DCAF5: variants seen among roughly 807,000 people sequenced by gnomAD.
The protein encoded by DCAF5 is DDB1 and CUL4 associated factor 5.
DCAF5 carries 9 observed loss-of-function variants against 80.7 expected under a neutral mutation model. The observed-to-expected ratio is 0.11, with a 90% CI of 0.07 to 0.19. The LOEUF (loss-of-function observed/expected upper bound fraction) is 0.19, where lower values mean the gene tolerates loss of function less well. Ranked by LOEUF, DCAF5 falls within the 10% of genes least tolerant of loss-of-function variation. The pLI, the probability that DCAF5 is intolerant of heterozygous loss-of-function variation, is 1.00. For missense variants in DCAF5, 842 were observed against 1,205.7 expected (o/e 0.70, Z 4.47); for synonymous variants, 433 against 461.9 (o/e 0.94, Z 0.80).
chr14:69,139,543 G>A (rs1486345195), intron 1 of DCAF5, among the ~76,000 whole-genome samples: 3 of 151,488 alleles, frequency 2.0e-5, no homozygotes, highest in African/African-American at 7.3e-5. Flanking sequence ...CTTGGGCATG[G>A]TGCCTCATAT....
intron 1 of DCAF5, among the ~76,000 whole-genome samples, chr14:69,147,265 A>G (rs1039339640): frequency 1.3e-5 from 2 of 152,190 alleles, no homozygotes; most frequent in Non-Finnish European, 2.9e-5. Context: ...CTTTCTCAAT[A>G]TTTCATGGTG....
chr14:69,151,524 A>G (rs2041702292), intron 1 of DCAF5, among the ~76,000 whole-genome samples: 2 of 152,102 alleles, frequency 1.3e-5, no homozygotes, highest in African/African-American at 4.8e-5. Context: ...TTCCCCCTTC[A>G]TCCCTCCCAA....
rs949495822 is a variant in DCAF5 at position 69,118,403 on chromosome 14, C to G, written c.396-125G>C. 5.3e-6 allele frequency: 5 copies of G among 944,240 alleles called. No homozygotes were observed. The African/African-American group carries it at 6.6e-5, about 12-fold the overall frequency. 58.5% of individuals were successfully genotyped at this position (944,240 alleles called of 1,614,324 possible). A position where few individuals can be genotyped will look rare whatever the true frequency, so the allele number is the denominator to read the frequency against. ...AGAAGAAAGTCAACCTAGCTAAACC[C>G]AAAAAATATTATATTTCCTGAAAGG... On this transcript the variant is annotated intron_variant, in intron 3 of 8. Transcript: ENST00000341516. The surrounding 1 kb of genome is among the most constrained non-coding windows in gnomAD (Gnocchi z 4.0).
chr14:69,062,570 C>A, intron 7 of DCAF5, 59 bp from the exon 8 acceptor site: 1 of 1,588,392 alleles, frequency 6.3e-7, no homozygotes. Flanking sequence ...TAAATAGGTT[C>A]CAGTAATGGC....
intron 6 of DCAF5, among the ~76,000 whole-genome samples, chr14:69,081,757 T>C (rs954384339): frequency 3.8e-5 from 3 of 78,298 alleles, no homozygotes; most frequent in East Asian, 0.014. Flanking sequence ...AGAAAATGTG[T>C]GTGTGTGTGT....
chr14:69,070,891 G>A (rs1486222198), intron 7 of DCAF5, among the ~76,000 whole-genome samples: 21 of 151,564 alleles, frequency 1.4e-4, no homozygotes, highest in African/African-American at 4.1e-4. Context: ...TCTCCCTCCC[G>A]GGTTCAAGCG....
chr14:69,101,555 G>C (rs1337175553), intron 5 of DCAF5, among the ~76,000 whole-genome samples: 1 of 152,180 alleles, frequency 6.6e-6, no homozygotes, highest in Non-Finnish European at 1.5e-5. Context: ...AGAGTCAAAG[G>C]TTGACTCAAA....
intron 5 of DCAF5, among the ~76,000 whole-genome samples, chr14:69,112,681 G>T (rs1045428374): frequency 6.7e-6 from 1 of 150,078 alleles, no homozygotes; most frequent in African/African-American, 2.5e-5. Flanking sequence ...CTTAAAATAA[G>T]AATAATAGAA....
chr14:69,083,817 A>G (rs2039209712), intron 6 of DCAF5: 1 of 721,158 alleles, frequency 1.4e-6, no homozygotes, highest in African/African-American at 1.8e-5. Flanking sequence ...AGTCTCCTAA[A>G]GAAACAGAAA....
chr14:69,098,614 C>G (rs920381764), intron 5 of DCAF5, among the ~76,000 whole-genome samples: 9 of 151,428 alleles, frequency 5.9e-5, no homozygotes, highest in Non-Finnish European at 1.0e-4. Context: ...CCAGGCACGG[C>G]GGCTCACGCC....
Position 69,054,873 on chromosome 14 carries a change from G to A in DCAF5, c.1813C>T (p.Pro605Ser). ...TCTTCTCCAATGTAAGTGTTGGTGG[G>A]CTTGATTGGGGCACTGGGCTTGTCT... ...REDKPSAPIK[P>S]TNTYIGEDNY... Residue 605 changes from proline (P) to serine (S), a missense_variant, in exon 9 of 9, where the codon CCC becomes TCC. Physicochemically the swap from Pro to Ser is moderately conservative, Grantham distance 74. Around this residue, in one of 5 missense-constraint regions of DCAF5, gnomAD observed 607 missense variants for 656.6 expected, o/e 0.92. Transcript: ENST00000341516. The A allele has an allele frequency of 6.2e-7, 1 of 1,614,158 alleles. No individual in the cohort carries two copies. The highest frequency in any genetic ancestry group is 8.5e-7 in the Non-Finnish European group (1 of 1,180,024).
At chr14:69,112,119 A>G (rs559481632) in intron 5 of DCAF5, among the ~76,000 whole-genome samples, 1 of 152,344 alleles carries the variant, frequency 6.6e-6, no homozygotes, top group East Asian at 1.9e-4. Context: ...AAACTCTAGT[A>G]TATCAGGTAG....
chr14:69,148,102 CAAAAAAAAAA>C (rs71446373), intron 1 of DCAF5, among the ~76,000 whole-genome samples: 4 of 91,640 alleles, frequency 4.4e-5, no homozygotes, highest in Admixed American at 3.9e-4. Flanking sequence ...ATTTTCTTCG[CAAAAAAAAAA>C]AAAAAAAAAC....
At chr14:69,147,658 T>C (rs2041579680) in intron 1 of DCAF5, among the ~76,000 whole-genome samples, 1 of 152,114 alleles carries the variant, frequency 6.6e-6, no homozygotes, top group South Asian at 2.1e-4. Context: ...GAACTAGAAA[T>C]AGGCTAAATA....
chr14:69,144,205 T>C (rs1180093267), intron 1 of DCAF5, among the ~76,000 whole-genome samples: 7 of 152,052 alleles, frequency 4.6e-5, no homozygotes, highest in Admixed American at 2.0e-4. Context: ...GTAAAGTGCT[T>C]AGCAGAAGGC....
intron 8 of DCAF5, among the ~76,000 whole-genome samples, chr14:69,060,418 C>T (rs10150736): frequency 0.063 from 9,554 of 152,168 alleles, 1,001 homozygotes; most frequent in African/African-American, 0.22. Flanking sequence ...TCTAGCCCCA[C>T]GGGGAAATGT....
intron 8 of DCAF5, among the ~76,000 whole-genome samples, chr14:69,061,072 C>G (rs1008888376): frequency 6.6e-6 from 1 of 151,518 alleles, no homozygotes; most frequent in African/African-American, 2.4e-5. Flanking sequence ...GTGGTGGGAA[C>G]ATGGTTCACT....
chr14:69,066,876 T>A (rs1300357609), intron 7 of DCAF5, among the ~76,000 whole-genome samples: 1 of 152,242 alleles, frequency 6.6e-6, no homozygotes, highest in African/African-American at 2.4e-5. Context: ...AGTGTCAAGT[T>A]CATTTGCTTC....
chr14:69,092,337 C>T (rs1021017931), intron 5 of DCAF5, among the ~76,000 whole-genome samples: 3 of 152,134 alleles, frequency 2.0e-5, no homozygotes, highest in Admixed American at 6.5e-5. Flanking sequence ...AAACAATAGG[C>T]CGGGTGCAGT....
Sources: gnomAD v4.1 joint callset for allele counts (sites outside exome capture counted in the v4.1 genomes callset) on GRCh38, gnomAD v4.1.1 for gene constraint, gnomAD v4.1.1 regional missense constraint, Gnocchi (gnomAD v3.1) non-coding constraint, MANE v1.5 for transcripts, NCBI Gene and HGNC (gene_info 2026-07-23, HGNC 2026-07-21) for gene names.